The following RFX3 variants were observed in gnomAD, a reference collection of about 807,000 sequenced individuals.
The protein encoded by RFX3 is regulatory factor X3, also known as transcription factor RFX3.
RFX3 carries 14 observed loss-of-function variants against 98.6 expected under a neutral mutation model. The ratio of observed to expected loss-of-function variants is 0.14; its 90% CI spans 0.09 to 0.22. The LOEUF (loss-of-function observed/expected upper bound fraction) is 0.22, where lower values mean the gene tolerates loss of function less well. Ranked by LOEUF, RFX3 falls within the 10% of genes least tolerant of loss-of-function variation. The pLI is 1.00. For missense variants in RFX3, 639 were observed against 926.9 expected (o/e 0.69, Z 4.03); for synonymous variants, 383 against 328.4 (o/e 1.17, Z -1.80).
At position 3,466,884 on chromosome 9, in the gene RFX3, T is replaced by C. The variant is rs72699086; in HGVS notation, c.-9+58863A>G. On this transcript the variant is annotated intron_variant, in intron 1 of 16. Transcript: ENST00000617270. ...CTTGGATCTTTTATTTACAAATACT[T>C]ATCATTTTCTGTCTAGACTTAAAGC... 6.8e-3 allele frequency among the ~76,000 whole-genome samples: 1,038 copies of C among 151,590 alleles called. 16 individuals are homozygous for C. The highest frequency in any genetic ancestry group is 0.036 in the South Asian group (171 of 4,810).
intron 1 of RFX3, among the ~76,000 whole-genome samples, chr9:3,499,952 T>A (rs1307338492): frequency 6.6e-6 from 1 of 152,146 alleles, no homozygotes; most frequent in Non-Finnish European, 1.5e-5. Context: ...TTAAATAACC[T>A]GTCAACTGCA....
intron 4 of RFX3, among the ~76,000 whole-genome samples, chr9:3,314,743 G>C (rs932779526): frequency 6.6e-6 from 1 of 151,726 alleles, no homozygotes; most frequent in African/African-American, 2.4e-5. Flanking sequence ...TGATAAAACA[G>C]ACTTTAAACC....
chr9:3,476,050 T>A (rs1460018608), intron 1 of RFX3, among the ~76,000 whole-genome samples: 1 of 152,158 alleles, frequency 6.6e-6, no homozygotes, highest in Non-Finnish European at 1.5e-5. Context: ...CTTCTCACTA[T>A]GTCCCCTCAG....
intron 1 of RFX3, among the ~76,000 whole-genome samples, chr9:3,445,249 A>C (rs949852430): frequency 2.1e-5 from 3 of 145,018 alleles, no homozygotes; most frequent in Non-Finnish European, 4.8e-5. Flanking sequence ...GTTATTATAA[A>C]TTTATTGAGA....
At chr9:3,230,849 A>G (rs952438718) in intron 15 of RFX3, among the ~76,000 whole-genome samples, 4 of 152,216 alleles carry the variant, frequency 2.6e-5, no homozygotes, top group African/African-American at 4.8e-5. Context: ...TTGCTGATCA[A>G]TAATATCACA....
At chr9:3,441,833 C>G (rs887249287) in intron 1 of RFX3, among the ~76,000 whole-genome samples, 1 of 151,966 alleles carries the variant, frequency 6.6e-6, no homozygotes, top group Non-Finnish European at 1.5e-5. Context: ...TCTATAAAAC[C>G]CTCCCCTCCT....
intron 1 of RFX3, chr9:3,490,282 A>G: frequency 1.0e-6 from 1 of 963,824 alleles, no homozygotes; most frequent in Middle Eastern, 5.4e-4. Flanking sequence ...AAATTACCTC[A>G]TATTCCTTCC....
At chr9:3,488,279 T>TG (rs1404476540) in intron 1 of RFX3, among the ~76,000 whole-genome samples, 2 of 152,190 alleles carry the variant, frequency 1.3e-5, no homozygotes, top group African/African-American at 4.8e-5. Flanking sequence ...AGAGAAGGAC[T>TG]TCACCAACAC....
chr9:3,497,841 T>TA (rs1851220319), intron 1 of RFX3, among the ~76,000 whole-genome samples: 1 of 152,000 alleles, frequency 6.6e-6, no homozygotes, highest in African/African-American at 2.4e-5. Flanking sequence ...GTAATCAGAG[T>TA]AAGCAGTGCC....
At chr9:3,238,736 A>G (rs532026887) in intron 15 of RFX3, among the ~76,000 whole-genome samples, 1 of 152,266 alleles carries the variant, frequency 6.6e-6, no homozygotes, top group East Asian at 1.9e-4. Context: ...AACGTTACTT[A>G]ATAAAAGTGA....
chr9:3,332,203 C>T (rs968710764), intron 3 of RFX3, among the ~76,000 whole-genome samples: 1 of 152,014 alleles, frequency 6.6e-6, no homozygotes, highest in Non-Finnish European at 1.5e-5. Flanking sequence ...TGCTTGGGAC[C>T]ACAAGTGTTT....
intron 8 of RFX3, among the ~76,000 whole-genome samples, chr9:3,276,483 G>C (rs1248177268): frequency 2.0e-5 from 3 of 152,090 alleles, no homozygotes; most frequent in East Asian, 3.9e-4. Flanking sequence ...AATATGCTTA[G>C]TTTTTAAGAT....
At chr9:3,284,752 C>T (rs2131540340) in intron 7 of RFX3, among the ~76,000 whole-genome samples, 2 of 151,816 alleles carry the variant, frequency 1.3e-5, no homozygotes, top group Middle Eastern at 6.8e-3. Flanking sequence ...TCATGACTGC[C>T]TGTGAATCAA....
intron 2 of RFX3, among the ~76,000 whole-genome samples, chr9:3,391,880 T>C (rs184045049): frequency 2.0e-5 from 3 of 152,330 alleles, no homozygotes; most frequent in Admixed American, 2.0e-4. Context: ...AGGTTTGTTC[T>C]TTGGCTTAAT....
intron 1 of RFX3, among the ~76,000 whole-genome samples, chr9:3,424,046 C>T (rs1843716923): frequency 6.6e-6 from 1 of 150,896 alleles, no homozygotes; most frequent in Non-Finnish European, 1.5e-5. Context: ...ACTCGGGAGG[C>T]TGAGGCAGGA....
chr9:3,303,235 A>T (rs1484539869), intron 4 of RFX3, among the ~76,000 whole-genome samples: 1 of 151,942 alleles, frequency 6.6e-6, no homozygotes, highest in Non-Finnish European at 1.5e-5. Context: ...ATGTAAATGT[A>T]ATGAATGAAC....
At chr9:3,452,732 C>A (rs992340124) in intron 1 of RFX3, among the ~76,000 whole-genome samples, 18 of 152,182 alleles carry the variant, frequency 1.2e-4, no homozygotes, top group African/African-American at 4.3e-4. Flanking sequence ...TTATTTTTTA[C>A]TATGTGTATG....
chr9:3,426,280 G>A (rs1015339185), intron 1 of RFX3, among the ~76,000 whole-genome samples: 2 of 151,300 alleles, frequency 1.3e-5, no homozygotes, highest in Non-Finnish European at 2.9e-5. Flanking sequence ...AATGTATGAT[G>A]ATCGGGTCAG....
chr9:3,259,071 C>A (rs1048925112), intron 13 of RFX3, among the ~76,000 whole-genome samples: 1 of 151,970 alleles, frequency 6.6e-6, no homozygotes, highest in South Asian at 2.1e-4. Flanking sequence ...GCATCATATA[C>A]TATTATTTAC....
Sources: gnomAD v4.1 joint callset for allele counts (sites outside exome capture counted in the v4.1 genomes callset) on GRCh38, gnomAD v4.1.1 for gene constraint, MANE v1.5 for transcripts, NCBI Gene and HGNC (gene_info 2026-07-23, HGNC 2026-07-21) for gene names.